The following SRGAP2 variants were observed in gnomAD, a reference collection of about 807,000 sequenced individuals.
SRGAP2 encodes the protein SLIT-ROBO Rho GTPase-activating protein 2.
SRGAP2 carries 15 observed loss-of-function variants against 57.2 expected under a neutral mutation model. The ratio of observed to expected loss-of-function variants is 0.26; its 90% confidence interval spans 0.18 to 0.40. The LOEUF is 0.40. SRGAP2 is among the 10% of genes least tolerant of loss of function. The pLI is 1.00. For missense variants in SRGAP2, 520 were observed against 669.6 expected, an observed-to-expected ratio of 0.78 and a Z score of 2.47; for synonymous variants, 249 against 248.0, an observed-to-expected ratio of 1.00 and a Z score of -0.04.
chr1:206,457,116 G>T (rs141685783), intron 21 of SRGAP2, among the ~76,000 whole-genome samples: 8 of 152,128 alleles, frequency 5.3e-5, no homozygotes, highest in African/African-American at 1.9e-4. Context: ...CATCCCCAGG[G>T]CCTAGCCTGG....
rs1187616666 is a variant in SRGAP2, at chr1:206,463,474, G to A, written c.*2054G>A. ...CTTTCAATCCAACTGATCAAAACTGGTACCCACACTTGCCCTTTCTCCCTC... is the reference window on the plus strand; with the variant it reads ...CTTTCAATCCAACTGATCAAAACTGATACCCACACTTGCCCTTTCTCCCTC... On this transcript the variant is annotated 3_prime_UTR_variant, in exon 23 of 23. Coordinates refer to ENST00000573034, the MANE Select transcript of SRGAP2 (RefSeq NM_015326.5). The A allele has an allele frequency of 6.6e-6, 1 of 152,500 alleles. No homozygotes were observed. The highest frequency in any genetic ancestry group is 6.5e-5 in the Admixed American group (1 of 15,272). 9.4% of individuals were successfully genotyped at this position (152,500 alleles called of 1,614,324 possible).
intron 7 of SRGAP2, among the ~76,000 whole-genome samples, chr1:206,396,196 G>A (rs2103116516): frequency 6.6e-6 from 1 of 151,154 alleles, no homozygotes; most frequent in Admixed American, 6.6e-5. Flanking sequence ...GTGTTAGCCA[G>A]GATGGTCTCG....
intron 18 of SRGAP2, among the ~76,000 whole-genome samples, chr1:206,447,322 G>A (rs2103365182): frequency 6.6e-6 from 1 of 152,278 alleles, no homozygotes; most frequent in South Asian, 2.1e-4. Flanking sequence ...AGGTAGGGGA[G>A]GACAGGGGAG....
Position 206,430,233 on chromosome 1 carries a change from T to C in SRGAP2, c.1555+11T>C, listed in dbSNP as rs1553367913. The C allele has an allele frequency of 2.6e-6, 2 of 780,802 alleles. No individual in the cohort carries two copies. Among genetic ancestry groups the C allele is most frequent in the Non-Finnish European group, 4.8e-6 (2 of 417,874 alleles). 48.4% of individuals were successfully genotyped at this position (780,802 alleles called of 1,614,324 possible). ...TTATCAGCAGACACGGTAAGCAGGATGACAGCCTTGTCCATATTTGTGCAA... is the reference window on the plus strand; with the variant it reads ...TTATCAGCAGACACGGTAAGCAGGACGACAGCCTTGTCCATATTTGTGCAA... On this transcript the variant is annotated intron_variant, in intron 14 of 22. Transcript: ENST00000573034.
At chr1:206,351,189 TAAG>T (rs1162231764) in intron 4 of SRGAP2, among the ~76,000 whole-genome samples, 2 of 151,962 alleles carry the variant, frequency 1.3e-5, no homozygotes, top group African/African-American at 4.8e-5. Flanking sequence ...TGGTCATAAA[TAAG>T]AAGAGGAGAA....
chr1:206,439,690 T>A (rs1662093927), intron 16 of SRGAP2, among the ~76,000 whole-genome samples: 2 of 152,322 alleles, frequency 1.3e-5, no homozygotes, highest in Admixed American at 1.3e-4. Context: ...ATATTAATAA[T>A]GTGTAATAAC....
intron 3 of SRGAP2, among the ~76,000 whole-genome samples, chr1:206,337,014 C>T (rs1246432945): frequency 7.2e-6 from 1 of 138,366 alleles, no homozygotes; most frequent in Admixed American, 7.0e-5. Flanking sequence ...TTTTTAAAAG[C>T]GAGAAATTAT....
At chr1:206,341,338 T>C (rs563113088) in intron 3 of SRGAP2, among the ~76,000 whole-genome samples, 1 of 152,340 alleles carries the variant, frequency 6.6e-6, no homozygotes, top group African/African-American at 2.4e-5. Context: ...AGATAGTTAT[T>C]ATTTGCAGTG....
intron 3 of SRGAP2, among the ~76,000 whole-genome samples, chr1:206,312,762 G>A (rs1339035115): frequency 9.2e-5 from 14 of 152,132 alleles, no homozygotes; most frequent in African/African-American, 3.4e-4. Context: ...AGCCTGGTTT[G>A]ATCAAGAGCA....
chr1:206,434,653 G>T, intron 14 of SRGAP2, among the ~76,000 whole-genome samples: 1 of 152,184 alleles, frequency 6.6e-6, no homozygotes, highest in East Asian at 1.9e-4. Flanking sequence ...GATTCTGTCT[G>T]TTGAGCAAGA....
At chr1:206,237,824 G>T (rs1320799974) in intron 2 of SRGAP2, among the ~76,000 whole-genome samples, 18 of 121,720 alleles carry the variant, frequency 1.5e-4, no homozygotes, top group Non-Finnish European at 2.7e-4. Context: ...AGAGAAGTTG[G>T]TATGTCACAT....
At chr1:206,212,286 C>A (rs1329061942) in intron 2 of SRGAP2, among the ~76,000 whole-genome samples, 1 of 137,628 alleles carries the variant, frequency 7.3e-6, no homozygotes, top group African/African-American at 2.7e-5. Context: ...CTCAAGTGAT[C>A]CTCCCACCTC....
At chr1:206,411,514 G>A (rs575565580) in intron 10 of SRGAP2, among the ~76,000 whole-genome samples, 1 of 152,306 alleles carries the variant, frequency 6.6e-6, no homozygotes, top group East Asian at 1.9e-4. Context: ...TCTGACAGCT[G>A]TTTCCTATTT....
At chr1:206,307,391 C>G (rs1192108053) in intron 3 of SRGAP2, among the ~76,000 whole-genome samples, 2 of 152,268 alleles carry the variant, frequency 1.3e-5, no homozygotes, top group African/African-American at 4.8e-5. Flanking sequence ...TTGGCTTCAT[C>G]TAGTGGATCC....
chr1:206,308,588 ACACTTAG>A (rs1183509253), intron 3 of SRGAP2, among the ~76,000 whole-genome samples: 3 of 86,726 alleles, frequency 3.5e-5, no homozygotes, highest in South Asian at 6.0e-4. Context: ...ACAAACTGCT[ACACTTAG>A]CACTTAGCAC....
At chr1:206,402,338 A>G (rs1451050467) in intron 8 of SRGAP2, among the ~76,000 whole-genome samples, 2 of 151,982 alleles carry the variant, frequency 1.3e-5, no homozygotes. Context: ...CTTAGCCTCC[A>G]GTGACTAGAA....
At chr1:206,259,511 A>AT (rs1669413375) in intron 2 of SRGAP2, among the ~76,000 whole-genome samples, 1 of 151,246 alleles carries the variant, frequency 6.6e-6, no homozygotes, top group Non-Finnish European at 1.5e-5. Flanking sequence ...TAATTTTTTT[A>AT]TTTTTTGTAG....
intron 14 of SRGAP2, among the ~76,000 whole-genome samples, chr1:206,434,479 A>G (rs1374983103): frequency 1.3e-5 from 2 of 152,230 alleles, no homozygotes; most frequent in Admixed American, 6.5e-5. Flanking sequence ...GATGAGTTTT[A>G]TACTTTCATG....
chr1:206,412,803 A>G (rs947705080), intron 10 of SRGAP2, among the ~76,000 whole-genome samples: 13 of 152,188 alleles, frequency 8.5e-5, no homozygotes, highest in African/African-American at 2.9e-4. Flanking sequence ...AGTCTCTCAT[A>G]TGGATAAGTG....
Sources: allele counts gnomAD v4.1 joint callset (sites outside exome capture counted in the v4.1 genomes callset), GRCh38; gene constraint gnomAD v4.1.1; transcripts MANE v1.5; gene names NCBI Gene and HGNC (gene_info 2026-07-23, HGNC 2026-07-21).